Variants in CFAP54 observed in about 807,000 individuals in gnomAD.
CFAP54 encodes the protein cilia and flagella associated protein 54.
In CFAP54, 290 loss-of-function variants were observed where a neutral mutation model predicts 370.4. That is an observed-to-expected ratio of 0.78 (90% CI 0.71 to 0.86). CFAP54 has a LOEUF of 0.86. Among genes scored for constraint, CFAP54 ranks in the 40% least tolerant of loss-of-function variants. The probability of loss-of-function intolerance (pLI) is 0.00; values close to 1 mark genes in which losing one functional copy is unlikely to be tolerated. For missense variants in CFAP54, 3,399 were observed against 3,528.7 expected, an observed-to-expected ratio of 0.96 and a Z score of 0.93; for synonymous variants, 1,206 against 1,236.5, an observed-to-expected ratio of 0.98 and a Z score of 0.52.
chr12:96,655,442 G>A (rs1050352555), intron 36 of CFAP54, among the ~76,000 whole-genome samples: 8 of 152,196 alleles, frequency 5.3e-5, no homozygotes, highest in Admixed American at 1.3e-4. Flanking sequence ...GTTGGAATTA[G>A]AATTACTAGG....
At chr12:96,595,625 C>T (rs1048375823) in intron 25 of CFAP54, among the ~76,000 whole-genome samples, 5 of 152,074 alleles carry the variant, frequency 3.3e-5, no homozygotes, top group African/African-American at 9.7e-5. Context: ...AGGGGCTCTA[C>T]GGAGCATAGG....
intron 36 of CFAP54, among the ~76,000 whole-genome samples, chr12:96,654,466 A>G (rs1027281354): frequency 6.7e-6 from 1 of 149,012 alleles, no homozygotes; most frequent in Non-Finnish European, 1.5e-5. Context: ...CCGCCGCTGC[A>G]CTCCAGCCTG....
chr12:96,559,667 G>C (rs1955795453), intron 17 of CFAP54, among the ~76,000 whole-genome samples: 1 of 151,884 alleles, frequency 6.6e-6, no homozygotes, highest in South Asian at 2.1e-4. Flanking sequence ...TATGTGTAGA[G>C]ATATATACAT....
chr12:96,553,553 T>C (rs1468025598), intron 15 of CFAP54, among the ~76,000 whole-genome samples: 1 of 75,000 alleles, frequency 1.3e-5, no homozygotes, highest in African/African-American at 4.5e-5. Flanking sequence ...GTAATATATG[T>C]ATAGTAATAT....
chr12:96,658,078 T>C lies in CFAP54; in HGVS notation c.5297T>C (p.Leu1766Pro), dbSNP rs1281274642. Residue 1766 changes from leucine to proline, a missense_variant, in exon 37 of 68, where the codon CTT becomes CCT. By Grantham distance (98) the Leu-to-Pro change is moderately conservative (BLOSUM62 -3). Around this residue, in one of 3 missense-constraint regions of CFAP54, gnomAD observed 2,796 missense variants for 2,869.7 expected, o/e 0.97. Coordinates refer to ENST00000524981, the MANE Select transcript of CFAP54 (RefSeq NM_001306084.2). Reference sequence around the variant, plus strand: ...GAAAAATGGGAAACACTAGTATCTCTTGCCATTCAGTTCAATACAGTTTCA... The same window carrying C: ...GAAAAATGGGAAACACTAGTATCTCCTGCCATTCAGTTCAATACAGTTTCA... Reference protein sequence around the residue: ...QVEKWETLVSLAIQFNTVSHE... With the variant: ...QVEKWETLVSPAIQFNTVSHE... 1 of 1,613,596 alleles carries C rather than the reference T, an allele frequency of 6.2e-7. No individual in the cohort carries two copies. Among genetic ancestry groups the C allele is most frequent in the African/African-American group, 1.3e-5 (1 of 74,930 alleles).
intron 41 of CFAP54, 40 bp from the exon 42 acceptor site, chr12:96,684,989 C>T (rs758392329): frequency 6.3e-7 from 1 of 1,587,654 alleles, no homozygotes; most frequent in Non-Finnish European, 8.6e-7. Context: ...AATAATGGGT[C>T]TCAGAAAACT....
intron 32 of CFAP54, among the ~76,000 whole-genome samples, chr12:96,631,466 A>G (rs1442852464): frequency 7.0e-6 from 1 of 143,354 alleles, no homozygotes; most frequent in African/African-American, 2.4e-5. Context: ...TTTTTTTCCA[A>G]TTTGCTTTGG....
chr12:96,664,739 C>CTA (rs1433452591), intron 39 of CFAP54, among the ~76,000 whole-genome samples: 3 of 25,834 alleles, frequency 1.2e-4, no homozygotes, highest in Admixed American at 7.0e-4. Flanking sequence ...ATATATATAT[C>CTA]TATATATATA....
intron 60 of CFAP54, among the ~76,000 whole-genome samples, chr12:96,774,800 T>G (rs920845396): frequency 6.6e-6 from 1 of 152,226 alleles, no homozygotes; most frequent in Non-Finnish European, 1.5e-5. Context: ...TTTCTTCAAA[T>G]AAGTCTTGTA....
At chr12:96,603,327 T>G (rs1335354401) in intron 26 of CFAP54, among the ~76,000 whole-genome samples, 1 of 152,246 alleles carries the variant, frequency 6.6e-6, no homozygotes. Context: ...AGAGATCCAC[T>G]GTTAGTCTGA....
Position 96,768,800 on chromosome 12 carries a change from C to T in CFAP54, c.8281+3582C>T, listed in dbSNP as rs1958427407. Among the ~76,000 whole-genome samples the T allele has an allele frequency of 2.6e-5, 4 of 152,208 alleles. No homozygotes were observed. The South Asian group carries it at 8.3e-4, about 32-fold the overall frequency. ...CCTTCTGAGGGGAGCTGGACACAGG[C>T]AGGATGGCATATGAGTTAATTAAGA... On this transcript the variant is annotated intron_variant, in intron 60 of 67. Coordinates refer to ENST00000524981, the MANE Select transcript of CFAP54 (RefSeq NM_001306084.2).
At chr12:96,626,622 G>C (rs1258689400) in intron 29 of CFAP54, among the ~76,000 whole-genome samples, 191 bp from the exon 30 acceptor site, 1 of 151,952 alleles carries the variant, frequency 6.6e-6, no homozygotes, top group Non-Finnish European at 1.5e-5. Context: ...AGACTGTAAA[G>C]GATTCATTGA....
intron 66 of CFAP54, among the ~76,000 whole-genome samples, chr12:96,844,418 C>G (rs1430218608): frequency 6.6e-6 from 1 of 152,100 alleles, no homozygotes; most frequent in Non-Finnish European, 1.5e-5. Flanking sequence ...CTGAAAAAGG[C>G]AAATAAATAG....
intron 12 of CFAP54, among the ~76,000 whole-genome samples, chr12:96,536,000 A>G (rs115300952): frequency 0.019 from 2,830 of 152,320 alleles, 90 homozygotes; most frequent in African/African-American, 0.065. Flanking sequence ...AGGTAAAACT[A>G]TTATAATATA....
chr12:96,864,781 C>T (rs1048895972), intron 67 of CFAP54, among the ~76,000 whole-genome samples: 13 of 152,080 alleles, frequency 8.5e-5, no homozygotes, highest in African/African-American at 1.4e-4. Context: ...TCAAGAGTGT[C>T]GTAAGTGTGT....
intron 50 of CFAP54, among the ~76,000 whole-genome samples, chr12:96,733,539 T>TG (rs201541791): frequency 4.4e-5 from 4 of 91,774 alleles, no homozygotes; most frequent in South Asian, 6.8e-4. Flanking sequence ...CAAAATCCTG[T>TG]GGGTTTTTTT....
intron 51 of CFAP54, among the ~76,000 whole-genome samples, chr12:96,741,375 C>T (rs1241437919): frequency 6.6e-6 from 1 of 152,142 alleles, no homozygotes; most frequent in Non-Finnish European, 1.5e-5. Flanking sequence ...ATTGGTCAGG[C>T]TGGTCTCGAA....
At chr12:96,758,931 C>G (rs1170032624) in intron 58 of CFAP54, among the ~76,000 whole-genome samples, 1 of 152,028 alleles carries the variant, frequency 6.6e-6, no homozygotes, top group Admixed American at 6.6e-5. Flanking sequence ...CAGGGAGATC[C>G]CAGATGCAGG....
At chr12:96,679,575 A>G (rs754146138) in intron 39 of CFAP54, 25 bp from the exon 40 acceptor site, 3 of 1,600,362 alleles carry the variant, frequency 1.9e-6, no homozygotes, top group African/African-American at 2.7e-5. Context: ...TTCATCCCCA[A>G]TATTCCGCTT....
Sources: allele counts gnomAD v4.1 joint callset (sites outside exome capture counted in the v4.1 genomes callset), GRCh38; gene constraint gnomAD v4.1.1; regional missense constraint gnomAD v4.1.1; transcripts MANE v1.5; gene names NCBI Gene and HGNC (gene_info 2026-07-23, HGNC 2026-07-21).